GALNT13: variants seen among roughly 807,000 people sequenced by gnomAD.
The protein encoded by GALNT13 is polypeptide N-acetylgalactosaminyltransferase 13.
Under a neutral mutation model 64.2 loss-of-function variants are expected in GALNT13, and 28 were observed. The observed-to-expected ratio is 0.44, with a 90% CI of 0.32 to 0.60. The LOEUF (loss-of-function observed/expected upper bound fraction) is 0.60, where lower values mean the gene tolerates loss of function less well. GALNT13 is among the 20% of genes least tolerant of loss of function. The pLI, the probability that GALNT13 is intolerant of heterozygous loss-of-function variation, is 0.05. For synonymous variants in GALNT13, 214 were observed against 224.6 expected (o/e 0.95, Z 0.42); for missense variants, 577 against 669.8 (o/e 0.86, Z 1.53).
intron 3 of GALNT13, among the ~76,000 whole-genome samples, chr2:153,998,119 T>C (rs527640635): frequency 6.6e-6 from 1 of 152,308 alleles, no homozygotes; most frequent in South Asian, 2.1e-4. Context: ...TGCATGTGTC[T>C]TTATAGTAGA....
intron 10 of GALNT13, 49 bp downstream of exon 10, chr2:154,396,179 A>G: frequency 1.5e-6 from 2 of 1,336,124 alleles, no homozygotes; most frequent in Non-Finnish European, 2.0e-6. Context: ...TTGCAAATGG[A>G]GCAATTTCTA....
At chr2:154,262,632 A>G (rs1219450472) in intron 8 of GALNT13, among the ~76,000 whole-genome samples, 1 of 152,196 alleles carries the variant, frequency 6.6e-6, no homozygotes, top group Non-Finnish European at 1.5e-5. Flanking sequence ...AGACAGTGTT[A>G]TGTATCTGCT....
At chr2:153,350,507 C>T in the GALNT13 span, among the ~76,000 whole-genome samples, 4 of 151,676 alleles carry the variant, frequency 2.6e-5, no homozygotes, top group Non-Finnish European at 5.9e-5. Flanking sequence ...CTCAACCTCC[C>T]TAGTAGCTGG....
chr2:153,222,362 A>G, the GALNT13 span, among the ~76,000 whole-genome samples: 5 of 26,858 alleles, frequency 1.9e-4, no homozygotes, highest in Non-Finnish European at 3.5e-4. Context: ...ATAGGCTTAG[A>G]AGGGAGGAAG....
intron 4 of GALNT13, among the ~76,000 whole-genome samples, chr2:154,229,623 G>A (rs749950953): frequency 1.1e-4 from 17 of 152,052 alleles, no homozygotes; most frequent in Non-Finnish European, 2.1e-4. Flanking sequence ...GAATGCCAAT[G>A]GAGAAAATTA....
chr2:153,217,577 A>G, the GALNT13 span, among the ~76,000 whole-genome samples: 1 of 151,996 alleles, frequency 6.6e-6, no homozygotes, highest in East Asian at 1.9e-4. Context: ...TAAGGTCACT[A>G]CTGTTTTCCT....
the GALNT13 span, among the ~76,000 whole-genome samples, chr2:153,177,827 T>A: frequency 6.6e-6 from 1 of 152,156 alleles, no homozygotes; most frequent in African/African-American, 2.4e-5. Context: ...AACCCATTAT[T>A]CCTCTAATTG....
At chr2:154,433,114 G>A (rs1372586836) in intron 11 of GALNT13, among the ~76,000 whole-genome samples, 2 of 152,114 alleles carry the variant, frequency 1.3e-5, no homozygotes, top group Admixed American at 6.6e-5. Flanking sequence ...TTTGCACTGG[G>A]ACCTGCAAAT....
intron 2 of GALNT13, among the ~76,000 whole-genome samples, chr2:153,904,840 G>T (rs924550376): frequency 6.6e-6 from 1 of 151,490 alleles, no homozygotes; most frequent in East Asian, 1.9e-4. Context: ...CTTCATTTTT[G>T]TGAGTGATGT....
At chr2:153,686,805 C>T in the GALNT13 span, among the ~76,000 whole-genome samples, 1 of 151,684 alleles carries the variant, frequency 6.6e-6, no homozygotes, top group Non-Finnish European at 1.5e-5. Context: ...ATTATGTTGA[C>T]TATGTTCCCT....
chr2:153,958,140 G>A lies in GALNT13; in HGVS notation c.142+13501G>A, dbSNP rs188193162. Among the ~76,000 whole-genome samples the A allele has an allele frequency of 7.9e-5, 12 of 152,268 alleles. No homozygotes were observed. The East Asian group carries it at 2.3e-3, about 29-fold the overall frequency. ...CTTTCTGGGGCAGCAAGGGGTATAG[G>A]CTGAGGCTAGTTGGATAAGGATGAG... On this transcript the variant is annotated intron_variant, in intron 3 of 12. Coordinates refer to ENST00000392825, the MANE Select transcript of GALNT13 (RefSeq NM_052917.4).
At position 153,993,786 on chromosome 2, in the gene GALNT13, C is replaced by T. The variant is rs74683762; in HGVS notation, c.142+49147C>T. 6.0e-3 allele frequency among the ~76,000 whole-genome samples: 910 copies of T among 151,194 alleles called. 10 individuals carry two copies. The highest frequency in any genetic ancestry group is 0.021 in the African/African-American group (875 of 41,232). On this transcript the variant is annotated intron_variant, in intron 3 of 12. Transcript: ENST00000392825. ...GGATGCCAAATTTTGGTGGTAATGACTTTTATTCTTTTACTTTTCAAAAAA... is the reference window on the plus strand; with the variant it reads ...GGATGCCAAATTTTGGTGGTAATGATTTTTATTCTTTTACTTTTCAAAAAA...
At chr2:154,359,183 G>A (rs967325563) in intron 9 of GALNT13, among the ~76,000 whole-genome samples, 1 of 152,048 alleles carries the variant, frequency 6.6e-6, no homozygotes, top group Non-Finnish European at 1.5e-5. Flanking sequence ...AGTGGCATCA[G>A]AGATTGGAGT....
chr2:153,694,328 TTC>T, the GALNT13 span, among the ~76,000 whole-genome samples: 1 of 152,180 alleles, frequency 6.6e-6, no homozygotes, highest in African/African-American at 2.4e-5. Context: ...ATTTTGCCTA[TTC>T]TCTCAAACTA....
chr2:154,092,264 A>C (rs1701852248), intron 3 of GALNT13, among the ~76,000 whole-genome samples: 1 of 151,936 alleles, frequency 6.6e-6, no homozygotes. Context: ...ATTGGTAGGA[A>C]TTGCTGTACG....
In GALNT13 at chr2:154,145,092, C is replaced by CTATA. The variant is rs1380676288; in HGVS notation, c.311+4590_311+4591insATAT. Among the ~76,000 whole-genome samples, 1,210 of 127,538 alleles carry CTATA rather than the reference C, an allele frequency of 9.5e-3. 15 individuals are homozygous for CTATA. The highest frequency in any genetic ancestry group is 0.013 in the Non-Finnish European group (802 of 59,780). The allele number at this position is 127,538 out of a possible 152,430, so 83.7% of individuals were successfully genotyped here. ...TCTCTCTATCTATCTATCTATCTAT[C>CTATA]TATCTATCTATATATATATATATAT... On this transcript the variant is annotated intron_variant, in intron 4 of 12. Coordinates refer to ENST00000392825, the MANE Select transcript of GALNT13 (RefSeq NM_052917.4).
At chr2:153,614,794 G>A in the GALNT13 span, among the ~76,000 whole-genome samples, 1 of 152,036 alleles carries the variant, frequency 6.6e-6, no homozygotes, top group African/African-American at 2.4e-5. Context: ...TACATGAGAT[G>A]TTTTGATATA....
intron 9 of GALNT13, among the ~76,000 whole-genome samples, chr2:154,344,344 A>G (rs994983467): frequency 4.2e-5 from 4 of 94,628 alleles, no homozygotes; most frequent in Admixed American, 1.4e-4. Context: ...TTATCTTCCA[A>G]CTAACAAATA....
the GALNT13 span, among the ~76,000 whole-genome samples, chr2:153,731,524 C>T: frequency 2.0e-5 from 3 of 151,838 alleles, no homozygotes; most frequent in Admixed American, 6.6e-5. Context: ...TGTGTAGTGT[C>T]CATGGCTCCA....
Sources: allele counts gnomAD v4.1 joint callset (sites outside exome capture counted in the v4.1 genomes callset), GRCh38; gene constraint gnomAD v4.1.1; transcripts MANE v1.5; gene names NCBI Gene and HGNC (gene_info 2026-07-23, HGNC 2026-07-21).